The following ERC1 variants were observed in gnomAD, a reference collection of about 807,000 sequenced individuals.
ERC1 encodes the protein ELKS/RAB6-interacting/CAST family member 1.
ERC1 carries 56 observed loss-of-function variants against 132.0 expected under a neutral mutation model. The observed-to-expected ratio is 0.42, with a 90% CI of 0.34 to 0.53. The LOEUF (loss-of-function observed/expected upper bound fraction) is 0.53. Ranked by LOEUF, ERC1 falls within the 20% of genes least tolerant of loss-of-function variation. ERC1 has a pLI of 0.03. For missense variants in ERC1, 1,202 were observed against 1,349.9 expected, an observed-to-expected ratio of 0.89 and a Z score of 1.72; for synonymous variants, 478 against 476.1, an observed-to-expected ratio of 1.00 and a Z score of -0.05.
intron 17 of ERC1, among the ~76,000 whole-genome samples, chr12:1,434,032 A>G (rs940592911): frequency 6.6e-6 from 1 of 151,812 alleles, no homozygotes; most frequent in Admixed American, 6.6e-5. Context: ...ACCAGGGAAA[A>G]GCAGCTACAA....
chr12:1,194,171 G>A (rs1438341983), intron 12 of ERC1, among the ~76,000 whole-genome samples: 1 of 152,186 alleles, frequency 6.6e-6, no homozygotes, highest in Admixed American at 6.5e-5. Context: ...TGTAATCCCA[G>A]CACTTTGAGA....
chr12:1,343,849 A>ATT (rs143481650), intron 15 of ERC1, among the ~76,000 whole-genome samples: 47 of 148,318 alleles, frequency 3.2e-4, no homozygotes, highest in Middle Eastern at 3.5e-3. Flanking sequence ...ATGTAAAAAC[A>ATT]TTTTTTTTTT....
intron 2 of ERC1, among the ~76,000 whole-genome samples, chr12:1,035,655 G>T (rs1186285349): frequency 6.6e-6 from 1 of 152,198 alleles, no homozygotes; most frequent in Non-Finnish European, 1.5e-5. Context: ...GGGCTCAGTG[G>T]CTCATGCCTA....
At chr12:1,349,637 C>A (rs1301997666) in intron 15 of ERC1, among the ~76,000 whole-genome samples, 1 of 147,750 alleles carries the variant, frequency 6.8e-6, no homozygotes, top group Non-Finnish European at 1.5e-5. Context: ...GCACTCCAAC[C>A]TGGACGACAG....
intron 17 of ERC1, among the ~76,000 whole-genome samples, chr12:1,439,278 T>G (rs1183659946): frequency 6.6e-6 from 1 of 152,160 alleles, no homozygotes; most frequent in Non-Finnish European, 1.5e-5. Flanking sequence ...TCTGTTACTA[T>G]TTGTATTGAA....
chr12:1,026,297 A>G (rs1966881384), intron 1 of ERC1, among the ~76,000 whole-genome samples: 1 of 152,212 alleles, frequency 6.6e-6, no homozygotes, highest in Non-Finnish European at 1.5e-5. Flanking sequence ...AACTGCGCCC[A>G]TGATTCAGTT....
At chr12:1,368,224 T>G (rs1040994306) in intron 15 of ERC1, among the ~76,000 whole-genome samples, 2 of 152,112 alleles carry the variant, frequency 1.3e-5, no homozygotes, top group Non-Finnish European at 2.9e-5. Flanking sequence ...TTCAATTTCT[T>G]TAAAATATTT....
chr12:1,189,585 C>T (rs1265441919), intron 11 of ERC1, among the ~76,000 whole-genome samples: 1 of 152,184 alleles, frequency 6.6e-6, no homozygotes, highest in Non-Finnish European at 1.5e-5. Flanking sequence ...AACTCTGAAG[C>T]ATCTTTTGCC....
At chr12:1,001,540 G>A (rs1277230736) in intron 1 of ERC1, among the ~76,000 whole-genome samples, 2 of 152,182 alleles carry the variant, frequency 1.3e-5, no homozygotes, top group African/African-American at 4.8e-5. Flanking sequence ...TCTCATAAAG[G>A]TAATCTCTGT....
rs149046970 is a variant in ERC1 at position 1,115,914 on chromosome 12, G to T, written c.1450G>T (p.Ala484Ser). The T allele has an allele frequency of 6.2e-7, 1 of 1,613,912 alleles. No homozygotes were observed. The highest frequency in any genetic ancestry group is 1.7e-5 in the Admixed American group (1 of 59,978). ...GTCCAGAAAGGACACAGAACTACTC[G>T]CCCTGCAGACAAAGCTAGAAACACT... ...ELSRKDTELL[A>S]LQTKLETLTN... is the part of the protein sequence containing the mutation. Residue 484 changes from alanine to serine, a missense_variant, in exon 7 of 19, where the codon GCC (alanine) becomes TCC (serine). Coordinates refer to ENST00000360905, the MANE Select transcript of ERC1 (RefSeq NM_178040.4).
chr12:1,198,397 G>T (rs948232360), intron 12 of ERC1, among the ~76,000 whole-genome samples: 1 of 152,178 alleles, frequency 6.6e-6, no homozygotes, highest in Non-Finnish European at 1.5e-5. Flanking sequence ...AGAATACAGA[G>T]GGAAAACCAA....
intron 8 of ERC1, among the ~76,000 whole-genome samples, chr12:1,156,198 T>G (rs1951376982): frequency 1.3e-5 from 2 of 152,120 alleles, no homozygotes; most frequent in South Asian, 4.1e-4. Context: ...TAACCTAAGA[T>G]TTACAGGTAG....
At chr12:1,197,418 A>G (rs1421690052) in intron 12 of ERC1, among the ~76,000 whole-genome samples, 1 of 152,084 alleles carries the variant, frequency 6.6e-6, no homozygotes, top group Non-Finnish European at 1.5e-5. Flanking sequence ...TTCAGTTTTC[A>G]TTAATGACCT....
chr12:1,256,011 T>C (rs1036905771), intron 13 of ERC1, among the ~76,000 whole-genome samples: 7 of 152,132 alleles, frequency 4.6e-5, no homozygotes, highest in African/African-American at 1.2e-4. Flanking sequence ...ATGATGAGCA[T>C]TTTTCAAGTC....
Position 1,082,456 on chromosome 12 carries a change from C to A in ERC1, c.670-708C>A, listed in dbSNP as rs1303523618. On this transcript the variant is annotated intron_variant, in intron 2 of 18. Coordinates refer to ENST00000360905, the MANE Select transcript of ERC1 (RefSeq NM_178040.4). ...GGTGTGAGCCCCCGCGCCTGGCCAT[C>A]CTTTGTATTTTTTGATGAAAAAAAA... 2.1e-5 allele frequency among the ~76,000 whole-genome samples: 3 copies of A among 141,976 alleles called. No individual in the cohort carries two copies. In the East Asian group the frequency reaches 6.2e-4, roughly 29 times the overall value. The allele number at this position is 141,976 out of a possible 152,430, so 93.1% of individuals were successfully genotyped here. A position where few individuals can be genotyped will look rare whatever the true frequency, so the allele number is the denominator to read the frequency against.
chr12:1,247,929 G>A (rs1203093872), intron 13 of ERC1, among the ~76,000 whole-genome samples: 1 of 152,166 alleles, frequency 6.6e-6, no homozygotes, highest in African/African-American at 2.4e-5. Flanking sequence ...CTGGGAGGTG[G>A]AGGTTGCGGT....
chr12:1,315,285 G>A (rs2081604075), intron 15 of ERC1, among the ~76,000 whole-genome samples: 1 of 152,080 alleles, frequency 6.6e-6, no homozygotes, highest in Admixed American at 6.6e-5. Flanking sequence ...CCAAAGTGCT[G>A]GGATTATAGA....
chr12:1,294,507 C>T (rs970370881), intron 15 of ERC1, among the ~76,000 whole-genome samples: 13 of 152,118 alleles, frequency 8.5e-5, no homozygotes, highest in Admixed American at 2.6e-4. Context: ...ATATGGTTCA[C>T]GTGTAAAAAT....
At position 1,287,281 on chromosome 12, in the gene ERC1, G is replaced by A. The variant is rs113867299; in HGVS notation, c.2620-2571G>A. Among the ~76,000 whole-genome samples, 791 of 152,258 alleles carry A rather than the reference G, an allele frequency of 5.2e-3. 10 individuals carry two copies. The highest frequency in any genetic ancestry group is 0.018 in the African/African-American group (758 of 41,546). ...ATGGATTAAGGACTAAACATGAAAA[G>A]CAATACTTTAAAACTCTTACAAAGT... On this transcript the variant is annotated intron_variant, in intron 14 of 18. Coordinates refer to ENST00000360905, the MANE Select transcript of ERC1 (RefSeq NM_178040.4).
Sources: gnomAD v4.1 joint callset for allele counts (sites outside exome capture counted in the v4.1 genomes callset) on GRCh38, gnomAD v4.1.1 for gene constraint, MANE v1.5 for transcripts, NCBI Gene and HGNC (gene_info 2026-07-23, HGNC 2026-07-21) for gene names.